RBFOX1: variants seen among roughly 807,000 people sequenced by gnomAD.
The protein encoded by RBFOX1 is RNA binding protein fox-1 homolog 1.
Under a neutral mutation model 57.7 loss-of-function variants are expected in RBFOX1, and 8 were observed. The observed-to-expected ratio is 0.14, with a 90% CI of 0.08 to 0.25. The LOEUF is 0.25. RBFOX1 is among the 10% of genes least tolerant of loss of function. The pLI, the probability that RBFOX1 is intolerant of heterozygous loss-of-function variation, is 1.00. For missense variants in RBFOX1, 611 were observed against 548.5 expected, an observed-to-expected ratio of 1.11 and a Z score of -1.14; for synonymous variants, 326 against 222.4, an observed-to-expected ratio of 1.47 and a Z score of -4.15.
rs532866190 is a variant in RBFOX1, at chr16:7,551,442, T to C, written c.271-28335T>C. On this transcript the variant is annotated intron_variant, in intron 5 of 15. Coordinates refer to ENST00000550418, the MANE Select transcript of RBFOX1 (RefSeq NM_018723.4). ...GGGTGGGGGCCCAAATAAGGAATAT[T>C]TGGGGCGCACTTGCTGGGTGAAAGC... 2.6e-5 allele frequency among the ~76,000 whole-genome samples: 4 copies of C among 152,184 alleles called. No individual in the cohort carries two copies. The East Asian group carries it at 7.7e-4, about 29-fold the overall frequency.
At chr16:6,787,127 A>G (rs1049184342) in intron 3 of RBFOX1, among the ~76,000 whole-genome samples, 3 of 152,174 alleles carry the variant, frequency 2.0e-5, no homozygotes, top group Non-Finnish European at 2.9e-5. Context: ...TCCTGCCCCA[A>G]TTGAGTGCTC....
intron 3 of RBFOX1, among the ~76,000 whole-genome samples, chr16:6,957,123 T>TATTTATTTATTTATTTATTG (rs1491173160): frequency 2.7e-5 from 4 of 147,754 alleles, no homozygotes; most frequent in Non-Finnish European, 1.5e-5. Flanking sequence ...TATTTTTATT[T>TATTTATTTATTTATTTATTG]ATTTATTTAT....
At chr16:5,972,004 G>A (rs1226596003) in intron 4 of RBFOX1, among the ~76,000 whole-genome samples, 3 of 152,180 alleles carry the variant, frequency 2.0e-5, no homozygotes, top group Non-Finnish European at 4.4e-5. Context: ...AAACTGGGAC[G>A]TGTGCTTCTT....
intron 4 of RBFOX1, among the ~76,000 whole-genome samples, chr16:7,440,926 C>T (rs1399866853): frequency 1.3e-5 from 2 of 152,092 alleles, no homozygotes; most frequent in South Asian, 2.1e-4. Flanking sequence ...GTAGTCCTAG[C>T]TGCTTTGGAG....
Position 6,287,807 on chromosome 16 carries a change from A to G in RBFOX1, c.-126-29188A>G, listed in dbSNP as rs1274529191. 3.3e-5 allele frequency among the ~76,000 whole-genome samples: 5 copies of G among 152,120 alleles called. 1 individual carries two copies. Among genetic ancestry groups the G allele is most frequent in the African/African-American group, 7.2e-5 (3 of 41,436 alleles). ...AGAACATTTACCTATATGTGGAGGA[A>G]CTCCAAAATTATTATGCTATTGTTT... On this transcript the variant is annotated intron_variant, in intron 1 of 15. Coordinates refer to ENST00000550418, the MANE Select transcript of RBFOX1 (RefSeq NM_018723.4).
At chr16:7,074,665 A>G (rs2057980473) in intron 4 of RBFOX1, among the ~76,000 whole-genome samples, 5 of 152,246 alleles carry the variant, frequency 3.3e-5, no homozygotes, top group Admixed American at 3.3e-4. Context: ...CATTTTAAGG[A>G]ATAAAAGCTA....
At chr16:6,603,824 T>C (rs1348023059) in intron 2 of RBFOX1, among the ~76,000 whole-genome samples, 11 of 152,162 alleles carry the variant, frequency 7.2e-5, no homozygotes, top group East Asian at 1.9e-4. Flanking sequence ...TTGGGTACTT[T>C]ATAGACATAG....
chr16:5,976,654 A>G (rs901743950), intron 4 of RBFOX1, among the ~76,000 whole-genome samples: 25 of 152,160 alleles, frequency 1.6e-4, no homozygotes, highest in African/African-American at 6.0e-4. Context: ...AGATTACTTG[A>G]GGTCAGGAGT....
intron 3 of RBFOX1, among the ~76,000 whole-genome samples, chr16:6,878,085 T>C (rs1472686348): frequency 6.6e-6 from 1 of 152,148 alleles, no homozygotes; most frequent in African/African-American, 2.4e-5. Flanking sequence ...GAAGAGAGAA[T>C]GGCTGAGATA....
At chr16:6,991,399 T>C (rs1056941435) in intron 3 of RBFOX1, among the ~76,000 whole-genome samples, 1 of 152,182 alleles carries the variant, frequency 6.6e-6, no homozygotes, top group Non-Finnish European at 1.5e-5. Flanking sequence ...ATAAGCAACA[T>C]TCCGTTTGGG....
At chr16:5,790,022 C>T (rs541140635) in intron 3 of RBFOX1, among the ~76,000 whole-genome samples, 1 of 152,208 alleles carries the variant, frequency 6.6e-6, no homozygotes, top group African/African-American at 2.4e-5. Flanking sequence ...GATGTGTGAC[C>T]ATGACTGTGG....
At chr16:5,402,091 C>T (rs1182068632) in intron 1 of RBFOX1, among the ~76,000 whole-genome samples, 2 of 151,998 alleles carry the variant, frequency 1.3e-5, no homozygotes, top group African/African-American at 2.4e-5. Flanking sequence ...GGGCTAAGAA[C>T]AAGGGGGCAT....
At chr16:5,439,556 T>C (rs188975525) in intron 1 of RBFOX1, among the ~76,000 whole-genome samples, 13 of 152,084 alleles carry the variant, frequency 8.5e-5, no homozygotes, top group Non-Finnish European at 1.2e-4. Flanking sequence ...GACTTGTTTG[T>C]GAACTGGGCA....
At chr16:7,608,685 C>G (rs781113906) in intron 10 of RBFOX1, among the ~76,000 whole-genome samples, 11 of 152,298 alleles carry the variant, frequency 7.2e-5, no homozygotes, top group South Asian at 2.1e-4. Context: ...TACTTAACCT[C>G]TCTGTGCCTC....
chr16:6,602,065 C>T (rs1000391602), intron 2 of RBFOX1, among the ~76,000 whole-genome samples: 9 of 152,184 alleles, frequency 5.9e-5, no homozygotes, highest in African/African-American at 2.2e-4. Context: ...TCTCTCCTTT[C>T]CCTCCATTAT....
At chr16:5,672,122 C>G (rs1412434656) in intron 3 of RBFOX1, among the ~76,000 whole-genome samples, 1 of 152,106 alleles carries the variant, frequency 6.6e-6, no homozygotes, top group East Asian at 1.9e-4. Flanking sequence ...GTTTTAGAGT[C>G]ATTCTCTCAG....
At chr16:6,549,733 A>C (rs2096957513) in intron 2 of RBFOX1, among the ~76,000 whole-genome samples, 1 of 152,060 alleles carries the variant, frequency 6.6e-6, no homozygotes, top group Non-Finnish European at 1.5e-5. Context: ...CCTACAGAGT[A>C]AGGTAAGAAT....
chr16:7,237,318 G>A (rs2093818108), intron 4 of RBFOX1, among the ~76,000 whole-genome samples: 1 of 152,198 alleles, frequency 6.6e-6, no homozygotes, highest in Admixed American at 6.5e-5. Context: ...GCATTTGAAT[G>A]AGTCATCAGA....
chr16:5,749,227 G>A (rs972904814), intron 3 of RBFOX1, among the ~76,000 whole-genome samples: 2 of 152,136 alleles, frequency 1.3e-5, no homozygotes, highest in Non-Finnish European at 2.9e-5. Flanking sequence ...TTTCTGCCGA[G>A]AGATCTGCTG....
Sources: allele counts gnomAD v4.1 joint callset (sites outside exome capture counted in the v4.1 genomes callset), GRCh38; gene constraint gnomAD v4.1.1; transcripts MANE v1.5; gene names NCBI Gene and HGNC (gene_info 2026-07-23, HGNC 2026-07-21).